The following SEZ6L variants were observed in gnomAD, a reference collection of about 807,000 sequenced individuals.
The protein encoded by SEZ6L is seizure 6-like protein.
A neutral mutation model predicts 106.2 loss-of-function variants in SEZ6L; 37 were observed. That is an observed-to-expected ratio of 0.35 (90% CI 0.27 to 0.46). SEZ6L has a LOEUF of 0.46. Ranked by LOEUF, SEZ6L falls within the 20% of genes least tolerant of loss-of-function variation. SEZ6L has a pLI of 1.00. For missense variants in SEZ6L, 1,172 were observed against 1,332.8 expected (o/e 0.88, Z 1.88); for synonymous variants, 541 against 570.4 (o/e 0.95, Z 0.73).
In SEZ6L at chr22:26,208,868, G is replaced by C. The variant is rs1033598680; in HGVS notation, c.94+39105G>C. 9.2e-4 allele frequency among the ~76,000 whole-genome samples: 134 copies of C among 144,966 alleles called. 1 individual carries two copies. Among genetic ancestry groups the C allele is most frequent in the African/African-American group, 3.1e-3 (124 of 40,294 alleles). On this transcript the variant is annotated intron_variant, in intron 1 of 16. Coordinates refer to ENST00000248933, the MANE Select transcript of SEZ6L (RefSeq NM_021115.5). ...TCTCTCTCTGTGTGTGTGTGTGTGT[G>C]TGTGTGTGTGTGTGTGTGTGTGTGT...
At chr22:26,202,652 T>G (rs78238876) in intron 1 of SEZ6L, among the ~76,000 whole-genome samples, 6,505 of 152,274 alleles carry the variant, frequency 0.043, 185 homozygotes, top group Non-Finnish European at 0.066. Flanking sequence ...TCTTACTTTT[T>G]TTCAGATGAG....
intron 3 of SEZ6L, 68 bp from the exon 4 acceptor site, chr22:26,296,820 C>A: frequency 7.3e-7 from 1 of 1,360,842 alleles, no homozygotes; most frequent in South Asian, 1.8e-5. Context: ...GACTTCTTTG[C>A]AACCTTAGAA....
intron 1 of SEZ6L, among the ~76,000 whole-genome samples, chr22:26,252,493 G>A (rs1487541506): frequency 6.6e-6 from 1 of 152,188 alleles, no homozygotes; most frequent in Non-Finnish European, 1.5e-5. Context: ...TGATGCTGAG[G>A]TTTGGAGTAT....
chr22:26,268,870 G>A (rs2080272646), intron 1 of SEZ6L, among the ~76,000 whole-genome samples: 1 of 152,144 alleles, frequency 6.6e-6, no homozygotes, highest in Non-Finnish European at 1.5e-5. Context: ...AGCAAGATGT[G>A]TCTGAAGAAG....
intron 1 of SEZ6L, among the ~76,000 whole-genome samples, chr22:26,203,737 G>GTCCCACAGTTAACCAGGT (rs1237309435): frequency 1.3e-5 from 2 of 152,066 alleles, no homozygotes; most frequent in African/African-American, 4.8e-5. Flanking sequence ...CACGACCAGG[G>GTCCCACAGTTAACCAGGT]TCCCACAGTT....
chr22:26,323,775 T>TTGATGATGA lies in SEZ6L; in HGVS notation c.2015+9890_2015+9898dup, dbSNP rs149299221. Among the ~76,000 whole-genome samples, 254 of 151,728 alleles carry TTGATGATGA rather than the reference T, an allele frequency of 1.7e-3. 1 individual carries two copies. The highest frequency in any genetic ancestry group is 5.8e-3 in the African/African-American group (239 of 41,404). On this transcript the variant is annotated intron_variant, in intron 9 of 16. Transcript: ENST00000248933. ...CTAAATACTGGCACACATTATCTCA[T>TTGATGATGA]TGATGATGATGATGATGATGATGAT...
At chr22:26,373,402 G>T in intron 13 of SEZ6L, 49 bp from the exon 14 acceptor site, 3 of 1,553,498 alleles carry the variant, frequency 1.9e-6, no homozygotes, top group Non-Finnish European at 2.6e-6. Flanking sequence ...TCATGCAAAC[G>T]AAGTGAATTC....
In SEZ6L at chr22:26,296,939, G is replaced by T. The variant is rs1157086070; in HGVS notation, c.1021G>T (p.Asp341Tyr). The T allele has an allele frequency of 3.1e-6, 5 of 1,613,146 alleles. No homozygotes were observed. The highest frequency in any genetic ancestry group is 4.2e-6 in the Non-Finnish European group (5 of 1,179,570). The change falls in exon 4 of 17, where the codon GAC becomes TAC. Residue 341 changes from aspartate to tyrosine, a missense_variant. By Grantham distance (160) the Asp-to-Tyr change is radical. This residue lies in a region of SEZ6L where 494 missense variants were observed against 445.8 expected (regional missense o/e 1.11). Transcript: ENST00000248933. ...GGAACTGCTCTCCATCCGCGGGGTG[G>T]ACGGCCCTACCCTGACCGTCCTGGC... ...DGELLSIRGV[D>Y]GPTLTVLANQ...
intron 1 of SEZ6L, among the ~76,000 whole-genome samples, chr22:26,283,347 G>C (rs1039496145): frequency 1.8e-4 from 27 of 152,310 alleles, no homozygotes; most frequent in African/African-American, 6.5e-4. Context: ...TAATCAATAG[G>C]AGACTGGTTC....
intron 1 of SEZ6L, among the ~76,000 whole-genome samples, chr22:26,256,456 G>A (rs988159503): frequency 3.9e-5 from 6 of 152,210 alleles, no homozygotes; most frequent in African/African-American, 1.4e-4. Context: ...AGAGACCCAT[G>A]GCTTGCTCTG....
At chr22:26,304,991 T>G (rs1291544169) in intron 5 of SEZ6L, among the ~76,000 whole-genome samples, 2 of 152,258 alleles carry the variant, frequency 1.3e-5, no homozygotes, top group African/African-American at 4.8e-5. Flanking sequence ...CCAGGCTATA[T>G]GGTACAGCCT....
In SEZ6L at chr22:26,251,076, G is replaced by T. The variant is rs116415272; in HGVS notation, c.95-41330G>T. The stretch of plus-strand genomic sequence containing the variant: ...TAAGAGTTTTTTGGTGGAGTCTTTA[G>T]TTTTTCCTAAATATAAGATCATGTC... On this transcript the variant is annotated intron_variant, in intron 1 of 16. Transcript: ENST00000248933. Among the ~76,000 whole-genome samples the T allele has an allele frequency of 2.9e-3, 448 of 152,240 alleles. 3 individuals are homozygous for T. Among genetic ancestry groups the T allele is most frequent in the African/African-American group, 1.0e-2 (415 of 41,556 alleles).
chr22:26,368,403 A>C (rs536703467), intron 13 of SEZ6L, among the ~76,000 whole-genome samples: 7 of 152,252 alleles, frequency 4.6e-5, no homozygotes, highest in Non-Finnish European at 7.3e-5. Flanking sequence ...AAAAAAGGGA[A>C]TATTATTCAG....
intron 9 of SEZ6L, among the ~76,000 whole-genome samples, chr22:26,320,396 T>C (rs552782181): frequency 1.2e-3 from 182 of 152,330 alleles, no homozygotes; most frequent in Admixed American, 3.4e-3. Context: ...AAGGCAGCTG[T>C]CACGACTTGC....
chr22:26,268,638 G>A (rs764631583), intron 1 of SEZ6L, among the ~76,000 whole-genome samples: 7 of 152,184 alleles, frequency 4.6e-5, no homozygotes, highest in Non-Finnish European at 8.8e-5. Context: ...CTCCATCTCC[G>A]CACAACTGAC....
At chr22:26,253,451 T>C (rs1480017421) in intron 1 of SEZ6L, among the ~76,000 whole-genome samples, 1 of 152,182 alleles carries the variant, frequency 6.6e-6, no homozygotes, top group Admixed American at 6.6e-5. Context: ...CTACTTGCAA[T>C]GTCCTTTCTC....
intron 1 of SEZ6L, among the ~76,000 whole-genome samples, chr22:26,211,319 C>CTGCT (rs1228195355): frequency 6.6e-6 from 1 of 152,194 alleles, no homozygotes; most frequent in Non-Finnish European, 1.5e-5. Context: ...TGACATTGGG[C>CTGCT]TGCTAATGGT....
chr22:26,202,638 T>G (rs1941038015), intron 1 of SEZ6L, among the ~76,000 whole-genome samples: 1 of 152,206 alleles, frequency 6.6e-6, no homozygotes, highest in African/African-American at 2.4e-5. Flanking sequence ...TCATCAATTT[T>G]ATGTCTTACT....
At chr22:26,197,153 G>T (rs1428608918) in intron 1 of SEZ6L, among the ~76,000 whole-genome samples, 2 of 148,692 alleles carry the variant, frequency 1.3e-5, no homozygotes, top group South Asian at 2.2e-4. Context: ...AGAATTATTT[G>T]TTTTTTTTTT....
Sources: allele counts gnomAD v4.1 joint callset (sites outside exome capture counted in the v4.1 genomes callset), GRCh38; gene constraint gnomAD v4.1.1; regional missense constraint gnomAD v4.1.1; transcripts MANE v1.5; gene names NCBI Gene and HGNC (gene_info 2026-07-23, HGNC 2026-07-21).